Variants in ME1 observed in about 807,000 individuals in gnomAD.
ME1 encodes the protein malic enzyme 1.
ME1 carries 74 observed loss-of-function variants against 66.4 expected under a neutral mutation model. That is an observed-to-expected ratio of 1.11 (90% CI 0.92 to 1.35). ME1 has a LOEUF of 1.35. Among genes scored for constraint, ME1 ranks in the 40% most tolerant of loss-of-function variants. The probability of loss-of-function intolerance (pLI) is 0.00; values close to 1 mark genes in which losing one functional copy is unlikely to be tolerated. For missense variants in ME1, 750 were observed against 694.1 expected, an observed-to-expected ratio of 1.08 and a Z score of -0.90; for synonymous variants, 251 against 235.6, an observed-to-expected ratio of 1.07 and a Z score of -0.60.
chr6:83,355,511 T>C (rs1768871064), intron 3 of ME1, among the ~76,000 whole-genome samples: 1 of 152,182 alleles, frequency 6.6e-6, no homozygotes, highest in East Asian at 1.9e-4. Context: ...TAAGAGTCAT[T>C]TGGCCACCTG....
chr6:83,371,194 T>C (rs895935882), intron 3 of ME1, among the ~76,000 whole-genome samples: 1 of 152,182 alleles, frequency 6.6e-6, no homozygotes, highest in Non-Finnish European at 1.5e-5. Flanking sequence ...TAAAACAGCA[T>C]TCTTGAAGAG....
In ME1 at chr6:83,228,960, G is replaced by A. The variant is rs767045333; in HGVS notation, c.1027-29C>T. ...AGTAAAGCCAGTAAGAAAAAATTAA[G>A]AATCTGCCAAACATGTGAGGGTCAA... is the stretch of plus-strand genomic sequence containing the variant. On this transcript the variant is annotated intron_variant, in intron 9 of 13. Coordinates refer to ENST00000369705, the MANE Select transcript of ME1 (RefSeq NM_002395.6). 4 of 1,471,866 alleles carry A rather than the reference G, an allele frequency of 2.7e-6. No homozygotes were observed. The East Asian group carries it at 9.1e-5, about 33-fold the overall frequency. The allele number at this position is 1,471,866 out of a possible 1,614,324, so 91.2% of individuals were successfully genotyped here.
At chr6:83,321,726 T>G (rs1168545849) in intron 5 of ME1, among the ~76,000 whole-genome samples, 7 of 152,164 alleles carry the variant, frequency 4.6e-5, no homozygotes, top group Admixed American at 3.3e-4. Context: ...GCGCACAGCT[T>G]CAGCAGACTT....
chr6:83,408,040 G>C, intron 1 of ME1, 139 bp from the exon 2 acceptor site: 2 of 923,232 alleles, frequency 2.2e-6, no homozygotes, highest in Non-Finnish European at 1.5e-6. Flanking sequence ...ATGTGGCTGT[G>C]AGTAAACCAT....
intron 6 of ME1, among the ~76,000 whole-genome samples, chr6:83,306,673 T>C (rs1230741243): frequency 6.6e-6 from 1 of 152,132 alleles, no homozygotes; most frequent in Non-Finnish European, 1.5e-5. Context: ...ACTTCAGATA[T>C]ATGCCACTGT....
Position 83,257,576 on chromosome 6 carries a change from A to G in ME1, c.705-3838T>C, listed in dbSNP as rs1180188. Among the ~76,000 whole-genome samples the G allele has an allele frequency of 2.0e-5, 3 of 152,010 alleles. No individual in the cohort carries two copies. The East Asian group carries it at 5.8e-4, about 29-fold the overall frequency. On this transcript the variant is annotated intron_variant, in intron 6 of 13. Coordinates refer to ENST00000369705, the MANE Select transcript of ME1 (RefSeq NM_002395.6). ...GGGGTCAATTCTGAAGGGAACGTAA[A>G]CTTTTTCTACTCCTTTTATGTATGA...
intron 5 of ME1, among the ~76,000 whole-genome samples, chr6:83,341,308 G>GT (rs1206900739): frequency 2.0e-5 from 3 of 152,126 alleles, no homozygotes; most frequent in African/African-American, 7.2e-5. Context: ...CTCTTCTTTT[G>GT]TGAGATTTTA....
At chr6:83,285,755 A>G (rs1767385812) in intron 6 of ME1, among the ~76,000 whole-genome samples, 1 of 152,178 alleles carries the variant, frequency 6.6e-6, no homozygotes, top group African/African-American at 2.4e-5. Flanking sequence ...ATTGAATGAA[A>G]CTTCTATTGA....
intron 3 of ME1, among the ~76,000 whole-genome samples, chr6:83,356,565 A>G (rs140194321): frequency 6.6e-6 from 1 of 152,282 alleles, no homozygotes; most frequent in East Asian, 1.9e-4. Context: ...TAGTACCCAC[A>G]ATAAAAGAAT....
At chr6:83,430,211 A>ACAAAAC (rs1770459241) in intron 1 of ME1, among the ~76,000 whole-genome samples, 1 of 150,344 alleles carries the variant, frequency 6.7e-6, no homozygotes, top group African/African-American at 2.5e-5. Context: ...ACAAAACAAA[A>ACAAAAC]GAAAGAAAGA....
intron 3 of ME1, among the ~76,000 whole-genome samples, chr6:83,396,325 C>T (rs1769730432): frequency 6.6e-6 from 1 of 152,094 alleles, no homozygotes; most frequent in African/African-American, 2.4e-5. Flanking sequence ...GATCATGCCA[C>T]TACACTCCAG....
intron 6 of ME1, among the ~76,000 whole-genome samples, chr6:83,281,118 A>G (rs976187971): frequency 4.6e-5 from 7 of 152,374 alleles, no homozygotes; most frequent in African/African-American, 1.7e-4. Context: ...GAATAGCTAT[A>G]CAAGTCTTTG....
intron 4 of ME1, 67 bp downstream of exon 4, chr6:83,351,997 T>C (rs1768809523): frequency 2.1e-6 from 2 of 932,600 alleles, no homozygotes; most frequent in Non-Finnish European, 3.3e-6. Context: ...TGTCAGTATA[T>C]TTTAAACTGT....
intron 6 of ME1, among the ~76,000 whole-genome samples, chr6:83,291,852 G>A (rs555311746): frequency 4.2e-4 from 64 of 151,726 alleles, no homozygotes; most frequent in African/African-American, 1.4e-3. Flanking sequence ...TTGTCTTCTC[G>A]CTTTATTTCA....
intron 1 of ME1, among the ~76,000 whole-genome samples, chr6:83,420,822 C>A (rs1211128133): frequency 6.6e-6 from 1 of 152,150 alleles, no homozygotes; most frequent in African/African-American, 2.4e-5. Context: ...ATCTATGATG[C>A]AAAACAGTAT....
intron 5 of ME1, among the ~76,000 whole-genome samples, chr6:83,331,540 C>T (rs928483178): frequency 6.7e-6 from 1 of 148,220 alleles, no homozygotes; most frequent in Non-Finnish European, 1.5e-5. Context: ...GAGCTGAGAT[C>T]ATGCCACTGC....
At chr6:83,405,464 A>G (rs1769921015) in intron 2 of ME1, among the ~76,000 whole-genome samples, 1 of 152,120 alleles carries the variant, frequency 6.6e-6, no homozygotes, top group Non-Finnish European at 1.5e-5. Context: ...AGACTATTTG[A>G]CTTCCTCTCT....
At chr6:83,249,635 A>G (rs1352131865) in intron 7 of ME1, among the ~76,000 whole-genome samples, 2 of 152,192 alleles carry the variant, frequency 1.3e-5, no homozygotes, top group African/African-American at 2.4e-5. Flanking sequence ...CCCATTTTAC[A>G]TTTAAACTTT....
intron 6 of ME1, among the ~76,000 whole-genome samples, chr6:83,265,226 T>A (rs1444310597): frequency 6.6e-6 from 1 of 152,220 alleles, no homozygotes; most frequent in Admixed American, 6.5e-5. Flanking sequence ...GGTAGACAAA[T>A]TTTTTAAACA....
Sources: allele counts gnomAD v4.1 joint callset (sites outside exome capture counted in the v4.1 genomes callset), GRCh38; gene constraint gnomAD v4.1.1; transcripts MANE v1.5; gene names NCBI Gene and HGNC (gene_info 2026-07-23, HGNC 2026-07-21).